EPHA3: variants seen among roughly 807,000 people sequenced by gnomAD.
EPHA3 encodes the protein ephrin type-A receptor 3.
EPHA3 carries 42 observed loss-of-function variants against 107.1 expected under a neutral mutation model. The observed-to-expected ratio is 0.39, with a 90% CI of 0.31 to 0.51. The LOEUF is 0.51. Ranked by LOEUF, EPHA3 falls within the 20% of genes least tolerant of loss-of-function variation. The pLI is 0.78. For missense variants in EPHA3, 1,183 were observed against 1,211.2 expected (o/e 0.98, Z 0.35); for synonymous variants, 461 against 424.8 (o/e 1.09, Z -1.05).
intron 3 of EPHA3, among the ~76,000 whole-genome samples, chr3:89,322,012 T>G (rs1351656215): frequency 2.0e-5 from 3 of 152,038 alleles, no homozygotes; most frequent in Non-Finnish European, 4.4e-5. Context: ...TTTAGAAGTT[T>G]GGTAGAATTG....
chr3:89,414,662 T>C (rs1288381613), intron 10 of EPHA3, among the ~76,000 whole-genome samples: 5 of 151,648 alleles, frequency 3.3e-5, no homozygotes, highest in Admixed American at 2.0e-4. Context: ...AGGTTACTTA[T>C]GCTAAGCCAC....
intron 15 of EPHA3, among the ~76,000 whole-genome samples, chr3:89,472,029 TCAAA>T (rs1287124913): frequency 2.0e-5 from 3 of 152,086 alleles, no homozygotes; most frequent in Admixed American, 2.0e-4. Flanking sequence ...CTGTGCAATG[TCAAA>T]CAAACAAACA....
chr3:89,450,426 C>T (rs1709963337), intron 15 of EPHA3, 56 bp downstream of exon 15: 2 of 1,544,424 alleles, frequency 1.3e-6, no homozygotes, highest in East Asian at 4.6e-5. Flanking sequence ...TTTGCTATCT[C>T]CAAGATGTTA....
Position 89,436,123 on chromosome 3 carries a change from A to G in EPHA3, c.2346+4764A>G, listed in dbSNP as rs1349252096. ...GGGATGGAGCAGGACCCTTTTTCAA[A>G]AAATAAATAAATAATAATAAATTTA... On this transcript the variant is annotated intron_variant, in intron 13 of 16. Coordinates refer to ENST00000336596, the MANE Select transcript of EPHA3 (RefSeq NM_005233.6). 5.9e-5 allele frequency among the ~76,000 whole-genome samples: 9 copies of G among 151,940 alleles called. No homozygotes were observed. The East Asian group carries it at 1.7e-3, about 29-fold the overall frequency.
At chr3:89,371,376 C>T (rs990750214) in intron 5 of EPHA3, among the ~76,000 whole-genome samples, 27 of 151,626 alleles carry the variant, frequency 1.8e-4, no homozygotes, top group African/African-American at 6.5e-4. Flanking sequence ...CCTTAACTAT[C>T]GTCGACATTT....
At chr3:89,172,403 T>A (rs764190503) in intron 2 of EPHA3, among the ~76,000 whole-genome samples, 4 of 152,198 alleles carry the variant, frequency 2.6e-5, no homozygotes, top group African/African-American at 7.2e-5. Context: ...GGTGGCCAAC[T>A]GGCCAGTAAC....
chr3:89,201,549 A>C (rs1705969347), intron 2 of EPHA3, among the ~76,000 whole-genome samples: 1 of 152,122 alleles, frequency 6.6e-6, no homozygotes, highest in Non-Finnish European at 1.5e-5. Flanking sequence ...GTGCTCCTTA[A>C]AGTGTTTACT....
chr3:89,150,239 C>T (rs1419489007), intron 2 of EPHA3, among the ~76,000 whole-genome samples: 1 of 151,948 alleles, frequency 6.6e-6, no homozygotes, highest in Non-Finnish European at 1.5e-5. Context: ...TGGTAGCCAA[C>T]AATTTCAGAT....
chr3:89,151,528 A>G (rs1432338072), intron 2 of EPHA3, among the ~76,000 whole-genome samples: 1 of 152,068 alleles, frequency 6.6e-6, no homozygotes, highest in Non-Finnish European at 1.5e-5. Flanking sequence ...GGGTCAGCAT[A>G]GTGAGGAGCA....
intron 3 of EPHA3, among the ~76,000 whole-genome samples, chr3:89,245,217 CT>C (rs1705003651): frequency 6.6e-6 from 1 of 151,922 alleles, no homozygotes; most frequent in Admixed American, 6.6e-5. Context: ...TCTTTATGTC[CT>C]TATTTTAAAA....
At chr3:89,376,434 T>C (rs1708406453) in intron 5 of EPHA3, among the ~76,000 whole-genome samples, 1 of 151,856 alleles carries the variant, frequency 6.6e-6, no homozygotes, top group South Asian at 2.1e-4. Context: ...GTCCTCCAAG[T>C]TGTACCTTTA....
At chr3:89,272,417 A>T (rs1198364367) in intron 3 of EPHA3, among the ~76,000 whole-genome samples, 3 of 152,010 alleles carry the variant, frequency 2.0e-5, no homozygotes, top group Admixed American at 1.3e-4. Context: ...GATTACAAAA[A>T]ATTTCATCAG....
chr3:89,274,282 C>T (rs1466536722), intron 3 of EPHA3, among the ~76,000 whole-genome samples: 1 of 151,898 alleles, frequency 6.6e-6, no homozygotes, highest in Admixed American at 6.6e-5. Context: ...AATTTATTTT[C>T]ATTTTAAAGA....
At chr3:89,437,039 C>T (rs1185002184) in intron 13 of EPHA3, among the ~76,000 whole-genome samples, 2 of 152,072 alleles carry the variant, frequency 1.3e-5, no homozygotes, top group African/African-American at 4.8e-5. Flanking sequence ...ACTGTACTCT[C>T]ATGGGATGTT....
chr3:89,138,836 G>A (rs1342044772), intron 2 of EPHA3, among the ~76,000 whole-genome samples: 1 of 151,718 alleles, frequency 6.6e-6, no homozygotes, highest in African/African-American at 2.4e-5. Context: ...TTTCTTTTAT[G>A]TTAATCAGAT....
chr3:89,388,850 A>G (rs1328933509), intron 5 of EPHA3, among the ~76,000 whole-genome samples: 1 of 152,170 alleles, frequency 6.6e-6, no homozygotes, highest in East Asian at 1.9e-4. Flanking sequence ...TAGATTTGAA[A>G]TTATGTGATT....
In EPHA3 at chr3:89,395,872, A is replaced by T. The variant is rs372621625; in HGVS notation, c.1342A>T (p.Thr448Ser). The change falls in exon 6 of 17, where the codon ACC becomes TCC. Residue 448 changes from threonine to serine, a missense_variant. Coordinates refer to ENST00000336596, the MANE Select transcript of EPHA3 (RefSeq NM_005233.6). Reference protein sequence around the residue: ...SPVLTIKKDRTSRNSISLSWQ... With the variant: ...SPVLTIKKDRSSRNSISLSWQ... ...TGTCCTGACGATTAAGAAAGATCGG[A>T]CCTCCAGAAATAGCATCTCTTTGTC... is the stretch of plus-strand genomic sequence containing the variant. The T allele has an allele frequency of 8.7e-6, 14 of 1,613,838 alleles. No homozygotes were observed. In the African/African-American group the frequency reaches 1.6e-4, roughly 18 times the overall value.
chr3:89,442,225 A>C (rs1047143720), intron 13 of EPHA3, among the ~76,000 whole-genome samples: 1 of 152,202 alleles, frequency 6.6e-6, no homozygotes, highest in African/African-American at 2.4e-5. Context: ...AAGGGATATT[A>C]TTACATCATC....
intron 7 of EPHA3, among the ~76,000 whole-genome samples, chr3:89,406,825 AC>A (rs1442547765): frequency 2.0e-5 from 3 of 152,238 alleles, no homozygotes; most frequent in African/African-American, 4.8e-5. Flanking sequence ...GTATTATATC[AC>A]TTTTCAAATG....
Sources: gnomAD v4.1 joint callset for allele counts (sites outside exome capture counted in the v4.1 genomes callset) on GRCh38, gnomAD v4.1.1 for gene constraint, MANE v1.5 for transcripts, NCBI Gene and HGNC (gene_info 2026-07-23, HGNC 2026-07-21) for gene names.